Variants in ABCG1 observed in about 807,000 individuals in gnomAD.
ABCG1 encodes ATP-binding cassette sub-family G member 1.
ABCG1 carries 29 observed loss-of-function variants against 69.2 expected under a neutral mutation model. That is an observed-to-expected ratio of 0.42 (90% CI 0.31 to 0.57). The LOEUF is 0.57. ABCG1 is among the 20% of genes least tolerant of loss of function. The probability of loss-of-function intolerance (pLI) is 0.15; values close to 1 mark genes in which losing one functional copy is unlikely to be tolerated. For missense variants in ABCG1, 718 were observed against 898.1 expected, an observed-to-expected ratio of 0.80 and a Z score of 2.56; for synonymous variants, 370 against 374.8, an observed-to-expected ratio of 0.99 and a Z score of 0.15.
chr21:42,222,359 G>A (rs1320082902), intron 1 of ABCG1, among the ~76,000 whole-genome samples: 2 of 152,196 alleles, frequency 1.3e-5, no homozygotes, highest in East Asian at 1.9e-4. Context: ...GCTGTTAGAC[G>A]CTGTGGAGGA....
intron 1 of ABCG1, among the ~76,000 whole-genome samples, chr21:42,224,138 T>C (rs1469141297): frequency 6.6e-6 from 1 of 152,118 alleles, no homozygotes; most frequent in Non-Finnish European, 1.5e-5. Context: ...GGGATGGAAA[T>C]GGACACAGGG....
At chr21:42,251,841 C>G in intron 2 of ABCG1, among the ~76,000 whole-genome samples, 1 of 152,238 alleles carries the variant, frequency 6.6e-6, no homozygotes, top group East Asian at 1.9e-4. Flanking sequence ...GGAGGGCCTC[C>G]CAAGTCATGT....
At chr21:42,256,082 C>T in intron 2 of ABCG1, 2 of 1,217,448 alleles carry the variant, frequency 1.6e-6, no homozygotes, top group Non-Finnish European at 2.1e-6. Flanking sequence ...GGTGTGCACC[C>T]TTTCTTTCCA....
chr21:42,257,741 A>G (rs1002870980), intron 2 of ABCG1, among the ~76,000 whole-genome samples: 1 of 152,226 alleles, frequency 6.6e-6, no homozygotes, highest in African/African-American at 2.4e-5. Flanking sequence ...TACACTGGCC[A>G]CTGAACTGCA....
chr21:42,208,036 A>T lies in ABCG1; in HGVS notation c.48+6313A>T, dbSNP rs1935686141. 2.6e-5 allele frequency among the ~76,000 whole-genome samples: 4 copies of T among 152,108 alleles called. No homozygotes were observed. In the South Asian group the frequency reaches 8.3e-4, roughly 32 times the overall value. ...GAGTAAGAGTTGGTTTATGTGCCTAATTACAGCCTGAGGAGGGTGGAAATC... is the reference window on the plus strand; with the variant it reads ...GAGTAAGAGTTGGTTTATGTGCCTATTTACAGCCTGAGGAGGGTGGAAATC... On this transcript the variant is annotated intron_variant, in intron 2 of 15. Coordinates refer to the ABCG1 transcript ENST00000398457.
chr21:42,277,774 C>CTT (rs2068736768), intron 5 of ABCG1, among the ~76,000 whole-genome samples: 1 of 152,116 alleles, frequency 6.6e-6, no homozygotes, highest in African/African-American at 2.4e-5. Context: ...TCGACATGGC[C>CTT]CTTTGTGTTC....
chr21:42,204,972 T>TCCAGGC (rs1172428482), intron 2 of ABCG1, among the ~76,000 whole-genome samples: 1 of 152,082 alleles, frequency 6.6e-6, no homozygotes, highest in Non-Finnish European at 1.5e-5. Context: ...GATAGAATTC[T>TCCAGGC]CCAGTGATAT....
intron 13 of ABCG1, among the ~76,000 whole-genome samples, chr21:42,293,117 C>CGG (rs1343196561): frequency 1.4e-4 from 19 of 131,472 alleles, no homozygotes; most frequent in African/African-American, 5.0e-4. Context: ...ACACCACACA[C>CGG]TACACACACC....
intron 5 of ABCG1, among the ~76,000 whole-genome samples, chr21:42,280,285 C>G (rs2068784744): frequency 6.6e-6 from 1 of 152,260 alleles, no homozygotes; most frequent in Admixed American, 6.5e-5. Flanking sequence ...CTCTCTGTCT[C>G]ATGGAAACAC....
chr21:42,245,368 A>T (rs190863185), intron 2 of ABCG1, among the ~76,000 whole-genome samples: 1 of 152,212 alleles, frequency 6.6e-6, no homozygotes, highest in Non-Finnish European at 1.5e-5. Flanking sequence ...AGAAAATTGC[A>T]TTCTTCTCCA....
At chr21:42,220,474 C>T (rs1363121812) in intron 1 of ABCG1, among the ~76,000 whole-genome samples, 2 of 152,108 alleles carry the variant, frequency 1.3e-5, no homozygotes, top group African/African-American at 4.8e-5. Flanking sequence ...ACAACTGCAT[C>T]CTATGATTCC....
At chr21:42,239,754 C>T (rs2068024506) in intron 2 of ABCG1, among the ~76,000 whole-genome samples, 1 of 152,228 alleles carries the variant, frequency 6.6e-6, no homozygotes, top group South Asian at 2.1e-4. Flanking sequence ...GAGCCAGCTT[C>T]CGGTTGGGGC....
At chr21:42,286,809 T>C (rs1044472783) in intron 8 of ABCG1, among the ~76,000 whole-genome samples, 1 of 152,194 alleles carries the variant, frequency 6.6e-6, no homozygotes, top group Non-Finnish European at 1.5e-5. Flanking sequence ...CATTCCCTTC[T>C]GGGGATTTCA....
Position 42,287,492 on chromosome 21 carries a change from C to A in ABCG1, c.974-397C>A, listed in dbSNP as rs535612170. On this transcript the variant is annotated intron_variant, in intron 8 of 14. Coordinates refer to ENST00000398449, the MANE Select transcript of ABCG1 (RefSeq NM_016818.3). This position sits in a 1 kb window ranked among gnomAD's most constrained non-coding sequence, Gnocchi z 6.2. ...CTGCCGTGGCTCTCGTCACACCCTG[C>A]CAAACCACAAGCTCCTCAAGGAGGA... Among the ~76,000 whole-genome samples, 125 of 152,286 alleles carry A rather than the reference C, an allele frequency of 8.2e-4. No individual in the cohort carries two copies. Among genetic ancestry groups the A allele is most frequent in the African/African-American group, 2.9e-3 (119 of 41,558 alleles).
At chr21:42,294,795 C>A in intron 14 of ABCG1, 135 bp downstream of exon 14, 2 of 759,114 alleles carry the variant, frequency 2.6e-6, no homozygotes, top group Non-Finnish European at 4.6e-6. Context: ...AGGATCCAGG[C>A]CTTCCATCTT....
At chr21:42,281,591 CT>C (rs2068809229) in intron 5 of ABCG1, among the ~76,000 whole-genome samples, 1 of 152,222 alleles carries the variant, frequency 6.6e-6, no homozygotes, top group Non-Finnish European at 1.5e-5. Flanking sequence ...TTGAGGGGTA[CT>C]GCAGATCTGT....
intron 13 of ABCG1, among the ~76,000 whole-genome samples, chr21:42,293,809 A>G (rs899491485): frequency 2.0e-5 from 3 of 149,462 alleles, no homozygotes; most frequent in Non-Finnish European, 3.0e-5. Flanking sequence ...ACTACATGCT[A>G]TGCACACACA....
chr21:42,278,941 G>C (rs1046484722), intron 5 of ABCG1, among the ~76,000 whole-genome samples: 1 of 151,928 alleles, frequency 6.6e-6, no homozygotes, highest in Non-Finnish European at 1.5e-5. Flanking sequence ...AGGAGAGGCC[G>C]GCAAGAGTGT....
At chr21:42,239,885 G>A (rs114817185) in intron 2 of ABCG1, among the ~76,000 whole-genome samples, 2 of 152,358 alleles carry the variant, frequency 1.3e-5, no homozygotes, top group African/African-American at 4.8e-5. Flanking sequence ...TGCAGAATCA[G>A]CTAGCTGGGC....
Sources: gnomAD v4.1 joint callset for allele counts (sites outside exome capture counted in the v4.1 genomes callset) on GRCh38, gnomAD v4.1.1 for gene constraint, Gnocchi (gnomAD v3.1) non-coding constraint, MANE v1.5 for transcripts, NCBI Gene and HGNC (gene_info 2026-07-23, HGNC 2026-07-21) for gene names.